Variants in MMP26 observed in about 807,000 individuals in gnomAD.
The protein encoded by MMP26 is matrix metallopeptidase 26.
MMP26 carries 33 observed loss-of-function variants against 31.0 expected under a neutral mutation model. The ratio of observed to expected loss-of-function variants is 1.06; its 90% CI spans 0.81 to 1.42. The LOEUF is 1.42. Ranked by LOEUF, MMP26 falls within the 40% of genes most tolerant of loss-of-function variation. MMP26 has a pLI of 0.00. For missense variants in MMP26, 347 were observed against 316.1 expected (o/e 1.10, Z -0.74); for synonymous variants, 122 against 114.9 (o/e 1.06, Z -0.40).
chr11:4,817,689 A>G (rs950642591), intron 2 of MMP26, among the ~76,000 whole-genome samples: 17 of 152,240 alleles, frequency 1.1e-4, no homozygotes, highest in African/African-American at 4.1e-4. Flanking sequence ...TATAAAGATA[A>G]TGCAATAATT....
In MMP26 at chr11:4,740,459, G is replaced by C. The variant is rs998763979; in HGVS notation, c.-216-26811G>C. Among the ~76,000 whole-genome samples, 4 of 152,138 alleles carry C rather than the reference G, an allele frequency of 2.6e-5. No homozygotes were observed. In the South Asian group the frequency reaches 8.3e-4, roughly 32 times the overall value. On this transcript the variant is annotated intron_variant, in intron 1 of 7. Coordinates refer to ENST00000380390, the MANE Select transcript of MMP26 (RefSeq NM_021801.5). The stretch of plus-strand genomic sequence containing the variant: ...AGCACTTTGGGAGGCCAAGGCAGGC[G>C]GATCACAAGGTCAGGAGTTTGAGAC...
At chr11:4,827,188 T>G (rs1424329371) in intron 2 of MMP26, among the ~76,000 whole-genome samples, 1 of 152,148 alleles carries the variant, frequency 6.6e-6, no homozygotes, top group African/African-American at 2.4e-5. Context: ...GGTGATGCAC[T>G]AGAAGCAGCG....
intron 2 of MMP26, among the ~76,000 whole-genome samples, chr11:4,888,293 T>A (rs746084643): frequency 3.0e-4 from 46 of 152,128 alleles, no homozygotes; most frequent in South Asian, 1.7e-3. Context: ...ACAGAAAAAA[T>A]TTGAGGTAAC....
At position 4,850,722 on chromosome 11, in the gene MMP26, A is replaced by T. The variant is rs1455558991; in HGVS notation, c.-145+83381A>T. Among the ~76,000 whole-genome samples the T allele has an allele frequency of 2.7e-4, 41 of 151,530 alleles. 1 individual carries two copies. The highest frequency in any genetic ancestry group is 7.0e-4 in the African/African-American group (29 of 41,466). ...ATATGTTATAAAATATTATGTTAAA[A>T]TTTTAAATAAAATATAACTTTCAAG... On this transcript the variant is annotated intron_variant, in intron 2 of 7. Coordinates refer to ENST00000380390, the MANE Select transcript of MMP26 (RefSeq NM_021801.5).
At chr11:4,863,475 T>C (rs1213116204) in intron 2 of MMP26, 1 of 152,168 alleles carries the variant, frequency 6.6e-6, no homozygotes, top group Non-Finnish European at 1.5e-5. Flanking sequence ...CACATGACAC[T>C]CTATACACTA....
At chr11:4,786,498 T>TTTTTA (rs1564909321) in intron 2 of MMP26, among the ~76,000 whole-genome samples, 1 of 83,360 alleles carries the variant, frequency 1.2e-5, no homozygotes, top group African/African-American at 4.9e-5. Flanking sequence ...TGATCCTTTT[T>TTTTTA]TTTTTTTTTT....
chr11:4,868,183 G>A (rs75724740), intron 2 of MMP26, among the ~76,000 whole-genome samples: 8,449 of 152,096 alleles, frequency 0.056, 553 homozygotes, highest in East Asian at 0.31. Context: ...CTATAAGTGG[G>A]AGCTGAATGA....
At chr11:4,706,258 C>G (rs1589879281) in intron 1 of MMP26, among the ~76,000 whole-genome samples, 1 of 151,966 alleles carries the variant, frequency 6.6e-6, no homozygotes, top group East Asian at 1.9e-4. Context: ...TTGCTGTTTA[C>G]AATATAGCTA....
chr11:4,917,231 A>G (rs552985783), intron 2 of MMP26, among the ~76,000 whole-genome samples: 38 of 152,328 alleles, frequency 2.5e-4, no homozygotes, highest in African/African-American at 8.7e-4. Context: ...TAAAAAGCCT[A>G]TGAATATTCT....
At chr11:4,783,670 T>A (rs1848896212) in intron 2 of MMP26, among the ~76,000 whole-genome samples, 1 of 152,138 alleles carries the variant, frequency 6.6e-6, no homozygotes, top group Admixed American at 6.5e-5. Context: ...CCCACCCAAA[T>A]CTCATCTTGT....
rs1296573941 is a variant in MMP26 at position 4,723,757 on chromosome 11, A to G, written c.-217+18712A>G. The G allele has an allele frequency of 4.1e-6, 6 of 1,456,122 alleles. No homozygotes were observed. The African/African-American group carries it at 7.0e-5, about 17-fold the overall frequency. The allele number at this position is 1,456,122 out of a possible 1,614,324, so 90.2% of individuals were successfully genotyped here. On this transcript the variant is annotated intron_variant, in intron 1 of 7. Coordinates refer to ENST00000380390, the MANE Select transcript of MMP26 (RefSeq NM_021801.5). ...AAGGTTGTTGATGTAGCTCTCGAAC[A>G]TGTTGTCCATGTTGCTCCGAGCTGT...
chr11:4,748,147 C>T (rs904577548), intron 1 of MMP26, among the ~76,000 whole-genome samples: 1 of 151,912 alleles, frequency 6.6e-6, no homozygotes, highest in Non-Finnish European at 1.5e-5. Context: ...TACAAAAGAT[C>T]ATCACAAACT....
intron 2 of MMP26, chr11:4,954,657 T>C: frequency 1.5e-6 from 1 of 648,066 alleles, no homozygotes; most frequent in Non-Finnish European, 2.6e-6. Flanking sequence ...ATAAAATAAG[T>C]CTGTGATAAC....
intron 2 of MMP26, among the ~76,000 whole-genome samples, chr11:4,854,206 C>A (rs1323974303): frequency 6.6e-6 from 1 of 152,156 alleles, no homozygotes; most frequent in East Asian, 1.9e-4. Flanking sequence ...GTTCATCTCA[C>A]TGGGGCTTGT....
intron 2 of MMP26, among the ~76,000 whole-genome samples, chr11:4,784,243 A>T (rs970700117): frequency 6.6e-6 from 1 of 152,178 alleles, no homozygotes; most frequent in African/African-American, 2.4e-5. Context: ...TGGCTTTTCC[A>T]TGACACAGCT....
intron 2 of MMP26, among the ~76,000 whole-genome samples, chr11:4,834,463 T>C (rs1849689241): frequency 6.6e-6 from 1 of 152,212 alleles, no homozygotes; most frequent in Non-Finnish European, 1.5e-5. Flanking sequence ...GTGCAATCCT[T>C]ATTTACTACA....
intron 2 of MMP26, among the ~76,000 whole-genome samples, chr11:4,840,241 T>G (rs190948412): frequency 6.3e-4 from 96 of 152,282 alleles, no homozygotes; most frequent in Middle Eastern, 3.4e-3. Flanking sequence ...ACCTGGGGCC[T>G]AGGGGATCTC....
chr11:4,724,045 G>T, intron 1 of MMP26: 2 of 663,430 alleles, frequency 3.0e-6, no homozygotes, highest in African/African-American at 1.8e-5. Context: ...GAAGCTGCTG[G>T]TACCACTGGG....
At chr11:4,956,348 A>G (rs528952615) in intron 2 of MMP26, among the ~76,000 whole-genome samples, 1 of 152,336 alleles carries the variant, frequency 6.6e-6, no homozygotes, top group African/African-American at 2.4e-5. Context: ...GCCAGGGTGG[A>G]TCTTTTCTGA....
Sources: gnomAD v4.1 joint callset for allele counts (sites outside exome capture counted in the v4.1 genomes callset) on GRCh38, gnomAD v4.1.1 for gene constraint, MANE v1.5 for transcripts, NCBI Gene and HGNC (gene_info 2026-07-23, HGNC 2026-07-21) for gene names.